Variants in CHN2 observed in about 807,000 individuals in gnomAD.
CHN2 encodes the protein chimerin 2, also known as beta-chimaerin.
A neutral mutation model predicts 56.3 loss-of-function variants in CHN2; 35 were observed. The observed-to-expected ratio is 0.62, with a 90% CI of 0.47 to 0.82. CHN2 has a LOEUF of 0.82. CHN2 is among the 40% of genes least tolerant of loss of function. The pLI is 0.00. For missense variants in CHN2, 491 were observed against 580.5 expected (o/e 0.85, Z 1.58); for synonymous variants, 210 against 212.8 (o/e 0.99, Z 0.12).
chr7:29,472,493 A>G (rs58618304), intron 6 of CHN2, among the ~76,000 whole-genome samples: 1,819 of 152,224 alleles, frequency 0.012, 36 homozygotes, highest in African/African-American at 0.041. Context: ...AGGATTTAAC[A>G]TTTTGTGGCT....
At chr7:29,181,969 G>A (rs1322705507) in intron 2 of CHN2, among the ~76,000 whole-genome samples, 1 of 152,058 alleles carries the variant, frequency 6.6e-6, no homozygotes, top group Non-Finnish European at 1.5e-5. Context: ...CAGTAAGCAT[G>A]GATTACTTTA....
intron 1 of CHN2, among the ~76,000 whole-genome samples, chr7:29,238,125 T>C (rs1787347207): frequency 6.6e-6 from 1 of 151,128 alleles, no homozygotes; most frequent in African/African-American, 2.4e-5. Context: ...TCAAGCGATT[T>C]GCCTGCCTCA....
rs1801926465 is a variant in CHN2 at position 29,398,280 on chromosome 7, C to A, written c.177-93C>A. ...TCACTCAGTTGTGGGGCTGTCGATT[C>A]TGGGTGCCCCCACCATCCTTTTAAG... is the stretch of plus-strand genomic sequence containing the variant. On this transcript the variant is annotated intron_variant, in intron 4 of 12. Transcript: ENST00000222792. 14 of 932,452 alleles carry A rather than the reference C, an allele frequency of 1.5e-5. No individual in the cohort carries two copies. In the South Asian group the frequency reaches 1.6e-4, roughly 11 times the overall value. The allele number at this position is 932,452 out of a possible 1,614,324, so 57.8% of individuals were successfully genotyped here.
chr7:29,221,178 C>T (rs1785765249), intron 1 of CHN2, among the ~76,000 whole-genome samples: 1 of 152,072 alleles, frequency 6.6e-6, no homozygotes, highest in Non-Finnish European at 1.5e-5. Context: ...AAGAAAAGAT[C>T]ACCAATTGGC....
At chr7:29,278,978 C>T (rs190329924) in intron 1 of CHN2, among the ~76,000 whole-genome samples, 103 of 148,724 alleles carry the variant, frequency 6.9e-4, no homozygotes, top group African/African-American at 2.5e-3. Flanking sequence ...AGAGGAAGTC[C>T]CCAGGGAGGT....
intron 1 of CHN2, among the ~76,000 whole-genome samples, chr7:29,308,290 C>T (rs1794325678): frequency 6.6e-6 from 1 of 152,192 alleles, no homozygotes; most frequent in African/African-American, 2.4e-5. Flanking sequence ...GCCTTGAATA[C>T]CCTTATTCCA....
chr7:29,373,241 A>C (rs1287941412), intron 3 of CHN2, among the ~76,000 whole-genome samples: 2 of 150,608 alleles, frequency 1.3e-5, no homozygotes, highest in Admixed American at 1.3e-4. Flanking sequence ...CAGTGGCGCT[A>C]TCTTGACTCA....
chr7:29,375,190 CTT>C (rs70980534), intron 3 of CHN2, among the ~76,000 whole-genome samples: 16,499 of 77,926 alleles, frequency 0.21, 3,953 homozygotes, highest in Non-Finnish European at 0.23. Context: ...GTGCTCGGCC[CTT>C]TTTTTTTTTT....
intron 3 of CHN2, among the ~76,000 whole-genome samples, chr7:29,378,701 C>T (rs1388991781): frequency 6.6e-6 from 1 of 152,220 alleles, no homozygotes; most frequent in South Asian, 2.1e-4. Flanking sequence ...CGCGGTGGCT[C>T]ATGCCTGTAA....
chr7:29,495,297 C>T (rs1183429387), intron 7 of CHN2, among the ~76,000 whole-genome samples: 1 of 152,108 alleles, frequency 6.6e-6, no homozygotes, highest in African/African-American at 2.4e-5. Context: ...TGGCTGGGAG[C>T]ATCAATCAAT....
At chr7:29,473,186 G>A (rs774911367) in intron 6 of CHN2, among the ~76,000 whole-genome samples, 1 of 152,226 alleles carries the variant, frequency 6.6e-6, no homozygotes, top group Non-Finnish European at 1.5e-5. Context: ...GGAGGTGGGT[G>A]TGGGGTGAGC....
At chr7:29,194,692 CCT>C (rs1324116271), upstream of CHN2, 2 of 393,938 alleles carry the variant, frequency 5.1e-6, no homozygotes, top group Non-Finnish European at 8.9e-6. Flanking sequence ...CCACCTACCC[CCT>C]GACACCCATA....
At chr7:29,326,976 G>A (rs1455390130) in intron 1 of CHN2, among the ~76,000 whole-genome samples, 1 of 152,138 alleles carries the variant, frequency 6.6e-6, no homozygotes, top group Non-Finnish European at 1.5e-5. Flanking sequence ...GTATAGCAAT[G>A]GAAGTACTTA....
intron 1 of CHN2, among the ~76,000 whole-genome samples, chr7:29,241,394 G>A (rs1206637937): frequency 1.3e-5 from 2 of 152,102 alleles, no homozygotes; most frequent in African/African-American, 4.8e-5. Flanking sequence ...CACATAGAAA[G>A]AGTGGGGGCC....
chr7:29,282,490 CTT>C (rs1791799818), intron 1 of CHN2, among the ~76,000 whole-genome samples: 1 of 152,174 alleles, frequency 6.6e-6, no homozygotes. Context: ...GGATGATTCA[CTT>C]TGCACTATAG....
chr7:29,180,798 A>G (rs35681573), intron 2 of CHN2, among the ~76,000 whole-genome samples: 19,627 of 152,186 alleles, frequency 0.13, 1,551 homozygotes, highest in African/African-American at 0.21. Context: ...GCCCTGTCAC[A>G]TTCTGTGTGA....
At chr7:29,243,154 T>G (rs1036192956) in intron 1 of CHN2, among the ~76,000 whole-genome samples, 1 of 152,192 alleles carries the variant, frequency 6.6e-6, no homozygotes, top group African/African-American at 2.4e-5. Context: ...GGGAGGATTT[T>G]ACTTTTCAGA....
intron 3 of CHN2, among the ~76,000 whole-genome samples, chr7:29,375,559 C>A (rs1366845804): frequency 1.3e-5 from 2 of 152,162 alleles, no homozygotes; most frequent in Non-Finnish European, 2.9e-5. Flanking sequence ...AGTTGGAATA[C>A]TATGTGGTAT....
At chr7:29,341,865 A>G (rs1052348263) in intron 1 of CHN2, among the ~76,000 whole-genome samples, 1 of 152,184 alleles carries the variant, frequency 6.6e-6, no homozygotes, top group African/African-American at 2.4e-5. Context: ...CTCCAGAGCC[A>G]AACAGATCTG....
Sources: gnomAD v4.1 joint callset for allele counts (sites outside exome capture counted in the v4.1 genomes callset) on GRCh38, gnomAD v4.1.1 for gene constraint, MANE v1.5 for transcripts, NCBI Gene and HGNC (gene_info 2026-07-23, HGNC 2026-07-21) for gene names.